Variants in GPC5 observed in about 807,000 individuals in gnomAD.
GPC5 encodes glypican 5.
In GPC5, 47 loss-of-function variants were observed where a neutral mutation model predicts 53.9. That is an observed-to-expected ratio of 0.87 (90% confidence interval 0.69 to 1.11). The LOEUF (loss-of-function observed/expected upper bound fraction) is 1.11. Ranked by LOEUF, GPC5 falls within the 50% of genes most tolerant of loss-of-function variation. The pLI is 0.00. For synonymous variants in GPC5, 286 were observed against 263.3 expected (o/e 1.09, Z -0.84); for missense variants, 748 against 713.1 (o/e 1.05, Z -0.56).
At chr13:92,028,781 A>T (rs1393469154) in intron 6 of GPC5, among the ~76,000 whole-genome samples, 2 of 152,192 alleles carry the variant, frequency 1.3e-5, no homozygotes, top group Non-Finnish European at 2.9e-5. Flanking sequence ...GAGCAAAATT[A>T]TTTAGTTTCC....
At chr13:91,421,578 T>C (rs1473684096) in intron 1 of GPC5, among the ~76,000 whole-genome samples, 2 of 152,196 alleles carry the variant, frequency 1.3e-5, no homozygotes, top group Non-Finnish European at 2.9e-5. Context: ...GCCAACAATA[T>C]TGCATTGAAT....
chr13:92,320,202 A>G (rs1370501079), intron 7 of GPC5, among the ~76,000 whole-genome samples: 1 of 152,178 alleles, frequency 6.6e-6, no homozygotes, highest in African/African-American at 2.4e-5. Flanking sequence ...TATGAAAGAA[A>G]TGTAAAGGCA....
chr13:91,980,381 T>C (rs1566376179), intron 6 of GPC5, among the ~76,000 whole-genome samples: 3 of 152,136 alleles, frequency 2.0e-5, no homozygotes, highest in Non-Finnish European at 4.4e-5. Flanking sequence ...AATAATACAG[T>C]GCACAGTCTT....
intron 7 of GPC5, chr13:92,339,861 A>G (rs1031274971): frequency 1.3e-5 from 2 of 152,158 alleles, no homozygotes; most frequent in African/African-American, 4.8e-5. Context: ...TAATTATCAG[A>G]CAGCTGATTA....
chr13:92,524,833 G>A (rs1023508667), intron 7 of GPC5, among the ~76,000 whole-genome samples: 1 of 152,084 alleles, frequency 6.6e-6, no homozygotes, highest in Non-Finnish European at 1.5e-5. Flanking sequence ...AGGTTTGCAA[G>A]CTAAATACAA....
chr13:91,686,592 A>G (rs2035627645), intron 2 of GPC5, among the ~76,000 whole-genome samples: 1 of 152,004 alleles, frequency 6.6e-6, no homozygotes, highest in Non-Finnish European at 1.5e-5. Flanking sequence ...TTAAAAATAT[A>G]TATCTTCAAG....
intron 2 of GPC5, among the ~76,000 whole-genome samples, chr13:91,647,294 G>C (rs758332225): frequency 6.6e-6 from 1 of 152,174 alleles, no homozygotes; most frequent in Non-Finnish European, 1.5e-5. Context: ...GGTTAGCACT[G>C]TCATCGACAG....
intron 3 of GPC5, among the ~76,000 whole-genome samples, chr13:91,725,711 A>T (rs1471142623): frequency 6.6e-6 from 1 of 152,188 alleles, no homozygotes; most frequent in Admixed American, 6.5e-5. Context: ...TTCAGCTCTC[A>T]GTCTGCCTTC....
intron 7 of GPC5, among the ~76,000 whole-genome samples, chr13:92,388,461 T>G (rs900745795): frequency 6.6e-6 from 1 of 152,142 alleles, no homozygotes; most frequent in Non-Finnish European, 1.5e-5. Flanking sequence ...TAACATCATC[T>G]GTCATCATTT....
chr13:92,600,543 G>A (rs935874707), intron 7 of GPC5, among the ~76,000 whole-genome samples: 21 of 151,782 alleles, frequency 1.4e-4, no homozygotes, highest in Admixed American at 3.9e-4. Context: ...TGTCACCCAG[G>A]CTAGAGTGCA....
intron 7 of GPC5, among the ~76,000 whole-genome samples, chr13:92,561,872 T>C (rs1252101796): frequency 6.6e-6 from 1 of 152,060 alleles, no homozygotes; most frequent in African/African-American, 2.4e-5. Context: ...TGTGGATATT[T>C]AGAAAGGAAC....
chr13:92,674,737 T>C (rs1886877121), intron 7 of GPC5, among the ~76,000 whole-genome samples: 1 of 152,126 alleles, frequency 6.6e-6, no homozygotes, highest in African/African-American at 2.4e-5. Context: ...TACTGCAAAG[T>C]ACACAAAGGA....
At position 92,293,747 on chromosome 13, in the gene GPC5, G is replaced by A. The variant is rs1162580744; in HGVS notation, c.1561+148758G>A. On this transcript the variant is annotated intron_variant, in intron 7 of 7. Transcript: ENST00000377067. ...ACTATGTTGAAGAGGAGTGGTGAGA[G>A]TGGGCATCCTTGTCTTGTTCCAGTT... is the stretch of plus-strand genomic sequence containing the variant. Among the ~76,000 whole-genome samples, 9 of 152,110 alleles carry A rather than the reference G, an allele frequency of 5.9e-5. No homozygotes were observed. In the South Asian group the frequency reaches 6.2e-4, roughly 11 times the overall value.
chr13:91,981,266 G>A (rs911358664), intron 6 of GPC5, among the ~76,000 whole-genome samples: 1 of 151,058 alleles, frequency 6.6e-6, no homozygotes, highest in African/African-American at 2.4e-5. Context: ...CTTTGGAGAA[G>A]AAAATTCGAC....
chr13:91,848,771 T>C (rs2038880275), intron 5 of GPC5, among the ~76,000 whole-genome samples: 1 of 152,228 alleles, frequency 6.6e-6, no homozygotes, highest in Admixed American at 6.5e-5. Context: ...AGAGACATTC[T>C]GATGATTGAT....
At chr13:92,524,429 G>A (rs1190041635) in intron 7 of GPC5, among the ~76,000 whole-genome samples, 2 of 152,066 alleles carry the variant, frequency 1.3e-5, no homozygotes, top group African/African-American at 2.4e-5. Context: ...GTCTATCTAT[G>A]TTCAGTACAG....
chr13:91,995,872 T>G (rs149406736), intron 6 of GPC5: 1 of 152,292 alleles, frequency 6.6e-6, no homozygotes, highest in Non-Finnish European at 1.5e-5. Flanking sequence ...ATTTTAGGTC[T>G]CTGGTTGCAA....
chr13:91,829,326 C>T (rs558621385), intron 5 of GPC5, among the ~76,000 whole-genome samples: 23 of 152,086 alleles, frequency 1.5e-4, no homozygotes, highest in African/African-American at 4.8e-4. Context: ...ATATTAGAGA[C>T]TAAAGCAATA....
chr13:92,475,832 C>G (rs1237607560), intron 7 of GPC5, among the ~76,000 whole-genome samples: 4 of 151,960 alleles, frequency 2.6e-5, no homozygotes, highest in Non-Finnish European at 4.4e-5. Flanking sequence ...GGAAAACTGG[C>G]TAGCCATATG....
Sources: allele counts gnomAD v4.1 joint callset (sites outside exome capture counted in the v4.1 genomes callset), GRCh38; gene constraint gnomAD v4.1.1; transcripts MANE v1.5; gene names NCBI Gene and HGNC (gene_info 2026-07-23, HGNC 2026-07-21).